Variants in GSK3A observed in about 807,000 individuals in gnomAD.
GSK3A encodes the protein glycogen synthase kinase-3 alpha.
GSK3A carries 14 observed loss-of-function variants against 56.6 expected under a neutral mutation model. The ratio of observed to expected loss-of-function variants is 0.25; its 90% CI spans 0.16 to 0.39. GSK3A has a LOEUF of 0.39. GSK3A is among the 10% of genes least tolerant of loss of function. The pLI, the probability that GSK3A is intolerant of heterozygous loss-of-function variation, is 1.00. For missense variants in GSK3A, 450 were observed against 656.0 expected (o/e 0.69, Z 3.43); for synonymous variants, 301 against 285.0 (o/e 1.06, Z -0.56).
At chr19:42,232,960 A>T (rs1313195024) in intron 8 of GSK3A, 150 bp downstream of exon 8, 1 of 655,836 alleles carries the variant, frequency 1.5e-6, no homozygotes, top group Non-Finnish European at 2.7e-6. Context: ...AAATGCCATA[A>T]ACTTTGAAAG....
Position 42,237,506 on chromosome 19 carries a change from T to A in GSK3A, c.472-565A>T, listed in dbSNP as rs73033419. Among the ~76,000 whole-genome samples the A allele has an allele frequency of 4.4e-3, 656 of 150,240 alleles. 6 individuals carry two copies. The highest frequency in any genetic ancestry group is 0.015 in the African/African-American group (595 of 40,974). On this transcript the variant is annotated intron_variant, in intron 2 of 10. Transcript: ENST00000222330. ...CCCAGCCACCCCACTTAAAAAAAAA[T>A]TTTTTTTCAACTTATTGCTGACATG...
At chr19:42,237,012 C>G in intron 2 of GSK3A, 71 bp from the exon 3 acceptor site, 1 of 1,037,924 alleles carries the variant, frequency 9.6e-7, no homozygotes, top group African/African-American at 1.6e-5. Context: ...CACACTCACT[C>G]CCAACAACAG....
chr19:42,240,426 C>T, intron 1 of GSK3A: 1 of 580,414 alleles, frequency 1.7e-6, no homozygotes, highest in Non-Finnish European at 3.1e-6. Context: ...TTCTAGGAAG[C>T]AACAGATCAC....
chr19:42,236,747 C>T, intron 3 of GSK3A, 31 bp from the exon 4 acceptor site: 1 of 1,556,792 alleles, frequency 6.4e-7, no homozygotes, highest in East Asian at 2.2e-5. Context: ...GTGTGAGGCA[C>T]TGTGAGAAGA....
At chr19:42,231,111 C>T (rs1186201479) in intron 10 of GSK3A, among the ~76,000 whole-genome samples, 1 of 152,186 alleles carries the variant, frequency 6.6e-6, no homozygotes, top group Non-Finnish European at 1.5e-5. Flanking sequence ...CCTGTAATCC[C>T]AGCACTTTGG....
chr19:42,237,019 A>C, intron 2 of GSK3A, 78 bp from the exon 3 acceptor site: 1 of 954,990 alleles, frequency 1.0e-6, no homozygotes, highest in Non-Finnish European at 1.7e-6. Flanking sequence ...ACTCCCAACA[A>C]CAGCCAGGCA....
intron 2 of GSK3A, among the ~76,000 whole-genome samples, chr19:42,238,762 G>A (rs895453378): frequency 6.6e-6 from 1 of 151,064 alleles, no homozygotes; most frequent in Admixed American, 6.6e-5. Flanking sequence ...AGGAGTTCGA[G>A]ACCAGCCTGG....
intron 10 of GSK3A, among the ~76,000 whole-genome samples, chr19:42,231,355 G>A (rs1157171180): frequency 6.6e-6 from 1 of 151,484 alleles, no homozygotes. Flanking sequence ...AAAAGACTCC[G>A]TCTAAAAAAT....
rs946821446 is a variant in GSK3A at position 42,242,337 on chromosome 19, T to G, written c.129A>C (p.Pro43=). ...GGGPGGSASG[P]GGTGGGKASV... is the part of the protein sequence containing the mutation. The stretch of plus-strand genomic sequence containing the variant: ...ATGCCTTTCCGCCGCCGGTGCCGCC[T>G]GGGCCGGAGGCCGAGCCTCCGGGGC... The change falls in exon 1 of 11, where the codon CCA becomes CCC. Residue 43 remains proline (P), a synonymous_variant. Transcript: ENST00000222330. 9 of 1,425,940 alleles carry G rather than the reference T, an allele frequency of 6.3e-6. No homozygotes were observed. The Admixed American group carries it at 2.5e-4, about 40-fold the overall frequency. The allele number at this position is 1,425,940 out of a possible 1,614,324, so 88.3% of individuals were successfully genotyped here.
chr19:42,233,263 CCCA>C lies in GSK3A; in HGVS notation c.1002+20_1002+22del. On this transcript the variant is annotated intron_variant, in intron 7 of 10. Coordinates refer to ENST00000222330, the MANE Select transcript of GSK3A (RefSeq NM_019884.3). The stretch of plus-strand genomic sequence containing the variant: ...CCCCATCCCTCAGCCCCACCCCCTG[CCCA>C]GCCCAGCCCCGCCCCTCACCTTGAT... 1.3e-6 allele frequency: 1 copy of C among 756,214 alleles called. No homozygotes were observed. The highest frequency in any genetic ancestry group is 2.2e-6 in the Non-Finnish European group (1 of 455,958). 46.8% of individuals were successfully genotyped at this position (756,214 alleles called of 1,614,324 possible).
At chr19:42,238,196 A>G (rs2036269819) in intron 2 of GSK3A, among the ~76,000 whole-genome samples, 1 of 151,962 alleles carries the variant, frequency 6.6e-6, no homozygotes, top group South Asian at 2.1e-4. Context: ...TACTAAAAAT[A>G]CAAAAAAATT....
intron 1 of GSK3A, chr19:42,241,211 G>A (rs746157889): frequency 1.3e-5 from 2 of 151,952 alleles, no homozygotes; most frequent in Non-Finnish European, 2.9e-5. Flanking sequence ...GGCCAGGCTG[G>A]TCTCGAACTC....
chr19:42,232,895 C>A (rs2036233488), intron 8 of GSK3A: 1 of 571,006 alleles, frequency 1.8e-6, no homozygotes, highest in African/African-American at 1.9e-5. Context: ...ATGAGCCCTG[C>A]TGACCCTCCA....
chr19:42,236,944 T>G lies in GSK3A; in HGVS notation c.472-3A>C, dbSNP rs1169614539. The G allele has an allele frequency of 6.2e-7, 1 of 1,603,868 alleles. No homozygotes were observed. Among genetic ancestry groups the G allele is most frequent in the African/African-American group, 1.3e-5 (1 of 74,776 alleles). On this transcript the variant is annotated splice_region_variant and splice_polypyrimidine_tract_variant and intron_variant, in intron 2 of 10. Transcript: ENST00000222330. ...CGCATGATCTGCAGCTCTCGGTTCT[T>G]GAGGGCAAAGGGAGAGTCTCAGAAT...
chr19:42,233,307 G>A lies in GSK3A; in HGVS notation c.981C>T (p.Asp327=), dbSNP rs376641475. 1.3e-5 allele frequency: 20 copies of A among 1,587,940 alleles called. No individual in the cohort carries two copies. The highest frequency in any genetic ancestry group is 1.5e-5 in the Non-Finnish European group (18 of 1,165,588). Residue 327 remains aspartate, a synonymous_variant, in exon 7 of 11, where the codon GAC becomes GAT. Transcript: ENST00000222330. ...QPIFPGDSGV[D]QLVEIIKVLG... is the part of the protein sequence containing the mutation. ...TCACCTTGATGATCTCCACCAGCTG[G>A]TCCACCCCACTGTCCCCAGGGAAGA...
Position 42,242,281 on chromosome 19 carries a change from G to A in GSK3A, c.185C>T (p.Ala62Val), listed in dbSNP as rs1440405889. The A allele has an allele frequency of 7.0e-7, 1 of 1,436,842 alleles. No individual in the cohort carries two copies. Among genetic ancestry groups the A allele is most frequent in the Non-Finnish European group, 9.1e-7 (1 of 1,101,442 alleles). The allele number at this position is 1,436,842 out of a possible 1,614,324, so 89.0% of individuals were successfully genotyped here. ...SVGAMGGGVG[A>V]SSSGGGPGGS... ...GCCGGGTCCACCCCCGGAGCTCGAG[G>A]CCCCGACGCCCCCACCCATGGCCCC... Residue 62 changes from alanine to valine, a missense_variant, in exon 1 of 11, where the codon GCC becomes GTC. Physicochemically the swap from Ala to Val is moderately conservative, Grantham distance 64. This residue lies in a region of GSK3A where 193 missense variants were observed against 200.5 expected (regional missense o/e 0.96). Transcript: ENST00000222330.
In GSK3A at chr19:42,232,554, C is replaced by T. The variant is rs566867943; in HGVS notation, c.1227G>A (p.Leu409=). The T allele has an allele frequency of 1.1e-4, 174 of 1,614,174 alleles. 1 individual carries two copies. The South Asian group carries it at 1.7e-3, about 16-fold the overall frequency. Residue 409 remains leucine, a synonymous_variant, in exon 9 of 11, where the codon CTG becomes CTA. Coordinates refer to ENST00000222330, the MANE Select transcript of GSK3A (RefSeq NM_019884.3). The stretch of plus-strand genomic sequence containing the variant: ...GGCGGTTGTTAGGCAGCTGGGTTCC[C>T]AGACATCGCAGTTCATCAAAGAAGC... ...AHSFFDELRC[L]GTQLPNNRPL...
Position 42,234,483 on chromosome 19 carries a change from T to C in GSK3A, c.798-24A>G. ...CACTGTGGGAAGAGATGGGCAGGGG[T>C]ACACGTGAGGCAAGGGTTGGGGTCC... On this transcript the variant is annotated intron_variant, in intron 5 of 10. Coordinates refer to ENST00000222330, the MANE Select transcript of GSK3A (RefSeq NM_019884.3). The surrounding 1 kb of genome is among the most constrained non-coding windows in gnomAD (Gnocchi z 5.7). 3.7e-6 allele frequency: 6 copies of C among 1,613,498 alleles called. No individual in the cohort carries two copies. Among genetic ancestry groups the C allele is most frequent in the Non-Finnish European group, 4.2e-6 (5 of 1,179,546 alleles).
chr19:42,242,158 C>G, intron 1 of GSK3A, 25 bp downstream of exon 1: 1 of 1,352,200 alleles, frequency 7.4e-7, no homozygotes, highest in Non-Finnish European at 9.5e-7. Context: ...AATCACCACC[C>G]TACACGGGCG....
Sources: allele counts gnomAD v4.1 joint callset (sites outside exome capture counted in the v4.1 genomes callset), GRCh38; gene constraint gnomAD v4.1.1; regional missense constraint gnomAD v4.1.1; non-coding constraint Gnocchi (gnomAD v3.1); transcripts MANE v1.5; gene names NCBI Gene and HGNC (gene_info 2026-07-23, HGNC 2026-07-21).